AGBL1: variants seen among roughly 807,000 people sequenced by gnomAD.
AGBL1 encodes AGBL carboxypeptidase 1.
In AGBL1, 130 loss-of-function variants were observed where a neutral mutation model predicts 118.9. The ratio of observed to expected loss-of-function variants is 1.09; its 90% confidence interval spans 0.95 to 1.26. AGBL1 has a LOEUF of 1.26. Ranked by LOEUF, AGBL1 falls within the 50% of genes most tolerant of loss-of-function variation. The pLI, the probability that AGBL1 is intolerant of heterozygous loss-of-function variation, is 0.00. For synonymous variants in AGBL1, 555 were observed against 478.9 expected (o/e 1.16, Z -2.08); for missense variants, 1,584 against 1,298.1 (o/e 1.22, Z -3.38).
chr15:86,465,086 C>T (rs566244672), intron 18 of AGBL1, among the ~76,000 whole-genome samples: 24 of 152,026 alleles, frequency 1.6e-4, no homozygotes, highest in Middle Eastern at 3.4e-3. Context: ...GGAATCCGAA[C>T]GGAGGGACCA....
At chr15:86,831,622 C>G (rs561031285) in intron 22 of AGBL1, among the ~76,000 whole-genome samples, 3 of 152,332 alleles carry the variant, frequency 2.0e-5, no homozygotes, top group East Asian at 3.9e-4. Context: ...GAGGTGGGTT[C>G]CCATGGTCTT....
At chr15:87,001,775 C>T (rs6496385) in intron 24 of AGBL1, among the ~76,000 whole-genome samples, 15,123 of 152,000 alleles carry the variant, frequency 0.099, 1,417 homozygotes, top group African/African-American at 0.24. Flanking sequence ...GCATAAATGT[C>T]GTCTTTTGAG....
At chr15:86,158,331 C>G (rs1473131834) in intron 4 of AGBL1, among the ~76,000 whole-genome samples, 1 of 152,200 alleles carries the variant, frequency 6.6e-6, no homozygotes, top group East Asian at 1.9e-4. Context: ...CTTTGCTTCT[C>G]TAAGACCTCT....
chr15:86,836,322 AG>A lies in AGBL1; in HGVS notation c.3159-70764del, dbSNP rs576711380. Among the ~76,000 whole-genome samples the A allele has an allele frequency of 1.2e-3, 181 of 152,312 alleles. 1 individual carries two copies. Among genetic ancestry groups the A allele is most frequent in the African/African-American group, 3.9e-3 (164 of 41,576 alleles). On this transcript the variant is annotated intron_variant, in intron 22 of 22. Transcript: ENST00000614907. ...GAGAAGGTCAGTGACTTAAGAGTTA[AG>A]ATAACAAAGAACCAGCTCTCAGATC...
chr15:86,188,630 T>G (rs1297580135), intron 5 of AGBL1, among the ~76,000 whole-genome samples: 3 of 152,170 alleles, frequency 2.0e-5, no homozygotes, highest in Non-Finnish European at 4.4e-5. Flanking sequence ...GATCGAGGCT[T>G]TCATAATAAA....
chr15:86,395,160 C>T (rs556461763), intron 17 of AGBL1, among the ~76,000 whole-genome samples: 45 of 152,094 alleles, frequency 3.0e-4, no homozygotes, highest in African/African-American at 1.0e-3. Flanking sequence ...AGTCCAAATC[C>T]CTAAACAAAA....
intron 22 of AGBL1, among the ~76,000 whole-genome samples, chr15:86,859,630 C>T (rs1002086266): frequency 2.0e-5 from 3 of 152,046 alleles, no homozygotes; most frequent in African/African-American, 7.2e-5. Flanking sequence ...GTAAGGGTGC[C>T]GAGAACACAC....
At chr15:86,114,158 A>T (rs537517115) in intron 1 of AGBL1, among the ~76,000 whole-genome samples, 1 of 152,352 alleles carries the variant, frequency 6.6e-6, no homozygotes, top group South Asian at 2.1e-4. Flanking sequence ...TTGTTGAACA[A>T]TCCAATTAAG....
intron 18 of AGBL1, among the ~76,000 whole-genome samples, chr15:86,429,205 T>A (rs1271287761): frequency 1.3e-5 from 2 of 152,184 alleles, no homozygotes; most frequent in Non-Finnish European, 2.9e-5. Context: ...ATACTCCGGA[T>A]GGCAAGAAAA....
At chr15:86,982,058 A>T (rs1461753265) in intron 23 of AGBL1, among the ~76,000 whole-genome samples, 2 of 152,222 alleles carry the variant, frequency 1.3e-5, no homozygotes, top group African/African-American at 4.8e-5. Flanking sequence ...TCTGCTTAAG[A>T]AATGATCATC....
intron 7 of AGBL1, among the ~76,000 whole-genome samples, chr15:86,254,217 T>G (rs999798372): frequency 7.9e-5 from 12 of 152,262 alleles, no homozygotes; most frequent in Non-Finnish European, 1.5e-5. Flanking sequence ...AAGGATGCCT[T>G]CTCTCTTCCC....
intron 6 of AGBL1, among the ~76,000 whole-genome samples, chr15:86,230,792 C>T (rs1279059642): frequency 6.6e-6 from 1 of 152,150 alleles, no homozygotes; most frequent in South Asian, 2.1e-4. Context: ...AATATGTAGA[C>T]ATTGTGATGG....
intron 17 of AGBL1, among the ~76,000 whole-genome samples, chr15:86,389,998 C>T (rs2081252837): frequency 6.6e-6 from 1 of 151,936 alleles, no homozygotes; most frequent in Admixed American, 6.5e-5. Flanking sequence ...AAATAAAATA[C>T]AATATACAAC....
chr15:86,626,836 CTTTT>C (rs11318598), intron 21 of AGBL1, among the ~76,000 whole-genome samples: 53 of 117,828 alleles, frequency 4.5e-4, no homozygotes, highest in African/African-American at 1.5e-3. Flanking sequence ...ATATACTTTT[CTTTT>C]TTTTTTTTTT....
At chr15:86,737,195 G>T (rs2141227691) in intron 22 of AGBL1, among the ~76,000 whole-genome samples, 1 of 152,282 alleles carries the variant, frequency 6.6e-6, no homozygotes, top group Non-Finnish European at 1.5e-5. Context: ...TCAGTGACTG[G>T]GGGAAGGGAG....
chr15:86,310,999 C>T (rs1037392114), intron 17 of AGBL1, among the ~76,000 whole-genome samples: 3 of 152,244 alleles, frequency 2.0e-5, no homozygotes, highest in South Asian at 2.1e-4. Flanking sequence ...GATGCCCTGC[C>T]GTGGGTGGGC....
chr15:86,240,513 T>C (rs1357500050), intron 6 of AGBL1, among the ~76,000 whole-genome samples: 1 of 152,210 alleles, frequency 6.6e-6, no homozygotes, highest in East Asian at 1.9e-4. Context: ...AGAAGAGTGG[T>C]TTGAAGCAAG....
chr15:86,917,218 G>T (rs184010401), downstream of AGBL1, among the ~76,000 whole-genome samples: 35 of 152,218 alleles, frequency 2.3e-4, no homozygotes, highest in African/African-American at 6.5e-4. The surrounding 1 kb of genome is among the most constrained non-coding windows in gnomAD (Gnocchi z 4.8). Context: ...TCCCCACTGT[G>T]CAGTTGGTCC....
At position 86,911,100 on chromosome 15, in the gene AGBL1, CCATAATGGGAAG is replaced by C. The variant is rs1413720180; in HGVS notation, c.*3809_*3820del. On this transcript the variant is annotated 3_prime_UTR_variant, in exon 23 of 23. Coordinates refer to ENST00000614907, the MANE Select transcript of AGBL1 (RefSeq NM_001386094.1). Reference sequence around the variant, plus strand: ...CCCAAGAATTCCAAGGAGTTGTAGGCCATAATGGGAAGCAAATGTGGTCCAAAATGTGCAGAG... The same window carrying C: ...CCCAAGAATTCCAAGGAGTTGTAGGCCAAATGTGGTCCAAAATGTGCAGAG... 2 of 152,344 alleles carry C rather than the reference CCATAATGGGAAG, an allele frequency of 1.3e-5. No homozygotes were observed. The highest frequency in any genetic ancestry group is 2.9e-5 in the Non-Finnish European group (2 of 68,196). 9.4% of individuals were successfully genotyped at this position (152,344 alleles called of 1,614,324 possible). A position where few individuals can be genotyped will look rare whatever the true frequency, so the allele number is the denominator to read the frequency against.
Sources: gnomAD v4.1 joint callset for allele counts (sites outside exome capture counted in the v4.1 genomes callset) on GRCh38, gnomAD v4.1.1 for gene constraint, Gnocchi (gnomAD v3.1) non-coding constraint, MANE v1.5 for transcripts, NCBI Gene and HGNC (gene_info 2026-07-23, HGNC 2026-07-21) for gene names.